PDE1C: variants seen among roughly 807,000 people sequenced by gnomAD.
PDE1C encodes the protein dual specificity calcium/calmodulin-dependent 3',5'-cyclic nucleotide phosphodiesterase 1C.
A neutral mutation model predicts 93.1 loss-of-function variants in PDE1C; 62 were observed. The observed-to-expected ratio is 0.67, with a 90% CI of 0.54 to 0.82. The LOEUF is 0.82. PDE1C is among the 40% of genes least tolerant of loss of function. The pLI, the probability that PDE1C is intolerant of heterozygous loss-of-function variation, is 0.00. For missense variants in PDE1C, 742 were observed against 884.6 expected, an observed-to-expected ratio of 0.84 and a Z score of 2.04; for synonymous variants, 325 against 310.1, an observed-to-expected ratio of 1.05 and a Z score of -0.50.
intron 1 of PDE1C, among the ~76,000 whole-genome samples, chr7:32,271,524 G>A (rs1046154143): frequency 2.0e-5 from 3 of 152,210 alleles, no homozygotes; most frequent in Non-Finnish European, 4.4e-5. Flanking sequence ...TGAGTGGGTA[G>A]TTTTTACTAG....
intron 1 of PDE1C, among the ~76,000 whole-genome samples, chr7:32,376,636 T>G (rs1784436803): frequency 1.3e-5 from 2 of 152,204 alleles, no homozygotes; most frequent in Admixed American, 6.5e-5. Flanking sequence ...AAATCAGCAT[T>G]TGCTCCAGCT....
chr7:32,183,836 A>C (rs1803632367), intron 2 of PDE1C, among the ~76,000 whole-genome samples: 2 of 152,320 alleles, frequency 1.3e-5, no homozygotes, highest in African/African-American at 2.4e-5. Context: ...CTGCACAGCA[A>C]AAGAAACTAC....
At chr7:31,686,848 C>T in the PDE1C span, 2 of 152,142 alleles carry the variant, frequency 1.3e-5, no homozygotes, top group African/African-American at 4.8e-5. Context: ...ATTGAAAGTA[C>T]TCTGGATTTA....
At chr7:31,764,412 T>C (rs934987261) in intron 17 of PDE1C, among the ~76,000 whole-genome samples, 1 of 152,122 alleles carries the variant, frequency 6.6e-6, no homozygotes, top group Non-Finnish European at 1.5e-5. Context: ...CACAAAGTAC[T>C]GGGATTACAG....
At chr7:32,047,821 C>G (rs966849074) in intron 2 of PDE1C, among the ~76,000 whole-genome samples, 11 of 152,134 alleles carry the variant, frequency 7.2e-5, no homozygotes, top group African/African-American at 2.7e-4. Flanking sequence ...GTATCCTGGG[C>G]TGTCTTCCCT....
At chr7:32,157,751 G>GA (rs917886036) in intron 3 of PDE1C, among the ~76,000 whole-genome samples, 4 of 152,086 alleles carry the variant, frequency 2.6e-5, no homozygotes, top group Non-Finnish European at 5.9e-5. Context: ...GATTTGGGGG[G>GA]AAAAATGGAT....
chr7:32,285,560 G>A (rs1811941647), intron 1 of PDE1C, among the ~76,000 whole-genome samples: 1 of 151,954 alleles, frequency 6.6e-6, no homozygotes, highest in African/African-American at 2.4e-5. Context: ...TTGCATAACT[G>A]TAAACTCACT....
intron 3 of PDE1C, among the ~76,000 whole-genome samples, chr7:32,128,893 T>C (rs1799736966): frequency 9.7e-6 from 1 of 103,208 alleles, no homozygotes; most frequent in African/African-American, 3.6e-5. Flanking sequence ...ACCCTAGAAC[T>C]TAAAGTATAA....
chr7:32,385,273 T>C (rs1024019060), intron 1 of PDE1C, among the ~76,000 whole-genome samples: 3 of 152,220 alleles, frequency 2.0e-5, no homozygotes, highest in Non-Finnish European at 4.4e-5. Flanking sequence ...GTTGAATATA[T>C]AGATCTGAGT....
At chr7:32,169,569 A>G (rs9648377) in intron 3 of PDE1C, among the ~76,000 whole-genome samples, 6,619 of 152,286 alleles carry the variant, frequency 0.043, 279 homozygotes, top group South Asian at 0.19. Context: ...ATTAAATACC[A>G]ACAGCAACTT....
At chr7:32,356,879 C>T (rs950436519) in intron 1 of PDE1C, among the ~76,000 whole-genome samples, 3 of 152,006 alleles carry the variant, frequency 2.0e-5, no homozygotes, top group East Asian at 3.9e-4. Context: ...AATTCATCCC[C>T]GGGTTTGAAA....
Position 32,179,669 on chromosome 7 carries a change from TAAG to T in PDE1C, c.137-9716_137-9714del, listed in dbSNP as rs774948230. Among the ~76,000 whole-genome samples the T allele has an allele frequency of 2.6e-5, 4 of 152,242 alleles. No homozygotes were observed. In the East Asian group the frequency reaches 5.8e-4, roughly 22 times the overall value. Reference sequence around the variant, plus strand: ...AAGACAAGAAAGCAAGAAAATGAGATAAGAAGAATCTAAATCAGAAATAACTAC... The same window carrying T: ...AAGACAAGAAAGCAAGAAAATGAGATAAGAATCTAAATCAGAAATAACTAC... On this transcript the variant is annotated intron_variant, in intron 2 of 18. Coordinates refer to the PDE1C transcript ENST00000396193.
intron 6 of PDE1C, among the ~76,000 whole-genome samples, chr7:31,872,584 C>A (rs1308063046): frequency 6.6e-6 from 1 of 152,034 alleles, no homozygotes; most frequent in East Asian, 1.9e-4. Context: ...ACCACATCTC[C>A]GGAGAAATCA....
At chr7:32,247,778 G>T (rs1462427962) in intron 1 of PDE1C, among the ~76,000 whole-genome samples, 4 of 152,150 alleles carry the variant, frequency 2.6e-5, no homozygotes, top group Non-Finnish European at 5.9e-5. Context: ...CCTGTTCAAG[G>T]TAGGCCAGGC....
intron 1 of PDE1C, among the ~76,000 whole-genome samples, chr7:32,385,454 G>T (rs1181922606): frequency 6.6e-6 from 1 of 152,100 alleles, no homozygotes; most frequent in African/African-American, 2.4e-5. Context: ...CAGGGATCAG[G>T]GTGTTCCTTG....
At chr7:32,093,047 A>C (rs1298004813) in intron 3 of PDE1C, among the ~76,000 whole-genome samples, 2 of 152,218 alleles carry the variant, frequency 1.3e-5, no homozygotes, top group Non-Finnish European at 2.9e-5. Flanking sequence ...TTTCAGGTTT[A>C]AATGCAAGAA....
the PDE1C span, among the ~76,000 whole-genome samples, chr7:31,702,863 T>C: frequency 1.3e-5 from 2 of 152,326 alleles, no homozygotes; most frequent in African/African-American, 4.8e-5. Context: ...TATTTTCTGT[T>C]CGTGCTTGTA....
intron 1 of PDE1C, among the ~76,000 whole-genome samples, chr7:32,387,678 G>A (rs1784661830): frequency 7.0e-6 from 1 of 143,652 alleles, no homozygotes; most frequent in Non-Finnish European, 1.5e-5. Flanking sequence ...CGGGCGGGGG[G>A]CTGACCCCCC....
In PDE1C at chr7:31,758,386, T is replaced by C. The variant is rs1052402965; in HGVS notation, c.1961-4833A>G. Among the ~76,000 whole-genome samples the C allele has an allele frequency of 4.0e-5, 6 of 149,992 alleles. 1 individual carries two copies. The highest frequency in any genetic ancestry group is 2.0e-4 in the Admixed American group (3 of 14,918). ...TACCCATACTCCCAAGTATGCCTCA[T>C]AAAAGCCTTCAAAAAATATTTATTC... On this transcript the variant is annotated intron_variant, in intron 17 of 17. Transcript: ENST00000396191.
Sources: allele counts gnomAD v4.1 joint callset (sites outside exome capture counted in the v4.1 genomes callset), GRCh38; gene constraint gnomAD v4.1.1; transcripts MANE v1.5; gene names NCBI Gene and HGNC (gene_info 2026-07-23, HGNC 2026-07-21).